The following CTNND2 variants were observed in gnomAD, a reference collection of about 807,000 sequenced individuals.
CTNND2 encodes the protein catenin delta 2.
CTNND2 carries 22 observed loss-of-function variants against 144.4 expected under a neutral mutation model. The ratio of observed to expected loss-of-function variants is 0.15; its 90% CI spans 0.11 to 0.22. The LOEUF (loss-of-function observed/expected upper bound fraction) is 0.22, where lower values mean the gene tolerates loss of function less well. CTNND2 is among the 10% of genes least tolerant of loss of function. The probability of loss-of-function intolerance (pLI) is 1.00; values close to 1 mark genes in which losing one functional copy is unlikely to be tolerated. For synonymous variants in CTNND2, 751 were observed against 695.6 expected (o/e 1.08, Z -1.25); for missense variants, 1,353 against 1,618.8 (o/e 0.84, Z 2.82).
chr5:11,085,814 C>A (rs562119222), intron 15 of CTNND2, among the ~76,000 whole-genome samples: 1 of 152,146 alleles, frequency 6.6e-6, no homozygotes, highest in South Asian at 2.1e-4. Flanking sequence ...TGGACAAGCC[C>A]CCCTCCATGG....
chr5:11,738,031 C>A (rs193014688), intron 1 of CTNND2, among the ~76,000 whole-genome samples: 1 of 152,332 alleles, frequency 6.6e-6, no homozygotes, highest in East Asian at 1.9e-4. Context: ...ATTTTCTCAA[C>A]TTTCTTTCCC....
chr5:11,173,385 G>C (rs76610476), intron 11 of CTNND2, among the ~76,000 whole-genome samples: 1 of 152,208 alleles, frequency 6.6e-6, no homozygotes, highest in African/African-American at 2.4e-5. Context: ...TCCCGCTGCT[G>C]ACCACCCTCT....
intron 6 of CTNND2, among the ~76,000 whole-genome samples, chr5:11,386,831 A>C (rs2149802633): frequency 6.6e-6 from 1 of 152,318 alleles, no homozygotes; most frequent in Admixed American, 6.5e-5. Flanking sequence ...GTTAGTCTCA[A>C]GGCTATGAGG....
At chr5:11,876,660 C>A (rs1336973558) in intron 1 of CTNND2, among the ~76,000 whole-genome samples, 1 of 152,088 alleles carries the variant, frequency 6.6e-6, no homozygotes, top group Non-Finnish European at 1.5e-5. Flanking sequence ...TTAAAACACA[C>A]CACATTATTA....
chr5:11,328,970 T>C (rs1752810620), intron 9 of CTNND2, among the ~76,000 whole-genome samples: 1 of 152,200 alleles, frequency 6.6e-6, no homozygotes, highest in Non-Finnish European at 1.5e-5. Context: ...AAGTCCAAGA[T>C]CCAAGTCCTG....
At chr5:11,127,458 C>T (rs1754789535) in intron 12 of CTNND2, among the ~76,000 whole-genome samples, 1 of 152,218 alleles carries the variant, frequency 6.6e-6, no homozygotes, top group African/African-American at 2.4e-5. Context: ...CTTCTTCCCC[C>T]ACCAGCCTGA....
At chr5:11,270,470 G>GT (rs1745883170) in intron 9 of CTNND2, among the ~76,000 whole-genome samples, 1 of 121,448 alleles carries the variant, frequency 8.2e-6, no homozygotes, top group Admixed American at 8.3e-5. Context: ...AAACAATGTG[G>GT]TAAAAAAAAA....
chr5:11,673,010 G>A (rs1306808996), intron 2 of CTNND2, among the ~76,000 whole-genome samples: 2 of 152,120 alleles, frequency 1.3e-5, no homozygotes, highest in Admixed American at 1.3e-4. Flanking sequence ...CTTTTGCATC[G>A]ATCTTGCTGG....
At chr5:11,802,375 C>T (rs1000420919) in intron 1 of CTNND2, among the ~76,000 whole-genome samples, 2 of 151,946 alleles carry the variant, frequency 1.3e-5, no homozygotes, top group African/African-American at 4.8e-5. Context: ...TGAAACCAGC[C>T]TGACCAACAG....
At chr5:11,774,879 CGTCAAA>C (rs1341227646) in intron 1 of CTNND2, among the ~76,000 whole-genome samples, 1 of 152,126 alleles carries the variant, frequency 6.6e-6, no homozygotes, top group Non-Finnish European at 1.5e-5. Flanking sequence ...TAACAACTAA[CGTCAAA>C]TACTGGCAAT....
At position 11,025,561 on chromosome 5, in the gene CTNND2, T is replaced by C. The variant is rs189779689; in HGVS notation, c.2789-2582A>G. The stretch of plus-strand genomic sequence containing the variant: ...TGATTCAGGAGGTGTACATTTAGGA[T>C]TTTTTCTTGTATGTCAAGGGGGCAA... On this transcript the variant is annotated intron_variant, in intron 16 of 21. Transcript: ENST00000304623. Among the ~76,000 whole-genome samples the C allele has an allele frequency of 7.6e-4, 116 of 152,332 alleles. 1 individual carries two copies. In the East Asian group the frequency reaches 0.02, roughly 26 times the overall value.
At chr5:11,337,178 G>A (rs1020262302) in intron 9 of CTNND2, among the ~76,000 whole-genome samples, 1 of 152,154 alleles carries the variant, frequency 6.6e-6, no homozygotes, top group Admixed American at 6.5e-5. Flanking sequence ...AAATAAATGG[G>A]AAGCACACGG....
intron 1 of CTNND2, among the ~76,000 whole-genome samples, chr5:11,749,760 T>C (rs941362090): frequency 8.6e-5 from 13 of 151,986 alleles, no homozygotes; most frequent in African/African-American, 2.9e-4. Flanking sequence ...ATGGTTTACA[T>C]AAAATAAGTA....
chr5:11,265,621 T>C (rs1242504226), intron 9 of CTNND2, among the ~76,000 whole-genome samples: 4 of 152,204 alleles, frequency 2.6e-5, no homozygotes, highest in Middle Eastern at 3.4e-3. Context: ...TGTTAAACTG[T>C]TCTGCTCAGA....
intron 5 of CTNND2, among the ~76,000 whole-genome samples, chr5:11,402,622 C>T (rs1039399253): frequency 4.6e-5 from 7 of 152,170 alleles, no homozygotes; most frequent in African/African-American, 1.7e-4. Flanking sequence ...TCGTTAGTAA[C>T]TTATAAAGCT....
chr5:11,350,668 T>C (rs539809472), intron 8 of CTNND2, among the ~76,000 whole-genome samples: 74 of 152,176 alleles, frequency 4.9e-4, no homozygotes, highest in Non-Finnish European at 8.8e-4. Context: ...GTAAAATAAG[T>C]TAGAGGCTAA....
At chr5:11,648,172 CTT>C (rs5865960) in intron 2 of CTNND2, among the ~76,000 whole-genome samples, 88 of 132,364 alleles carry the variant, frequency 6.6e-4, no homozygotes, top group Middle Eastern at 4.1e-3. Flanking sequence ...AGAACAGTGA[CTT>C]TTTTTTTTTT....
intron 15 of CTNND2, among the ~76,000 whole-genome samples, chr5:11,093,837 C>A (rs926602809): frequency 2.6e-5 from 4 of 152,076 alleles, no homozygotes; most frequent in Non-Finnish European, 4.4e-5. Context: ...TTTCTGAAAT[C>A]ATCTTTTTAA....
chr5:11,384,374 T>C lies in CTNND2; in HGVS notation c.1177+291A>G. 1 of 422,934 alleles carries C rather than the reference T, an allele frequency of 2.4e-6. No individual in the cohort carries two copies. The highest frequency in any genetic ancestry group is 4.2e-6 in the Non-Finnish European group (1 of 238,906). The allele number at this position is 422,934 out of a possible 1,614,324, so 26.2% of individuals were successfully genotyped here. A position where few individuals can be genotyped will look rare whatever the true frequency, so the allele number is the denominator to read the frequency against. ...TGCTTTCCTAAATGTGTCTTACTTT[T>C]ATGAGTTAGTCTTTAGGCTGGGGAG... is the stretch of plus-strand genomic sequence containing the variant. On this transcript the variant is annotated intron_variant, in intron 7 of 21. Coordinates refer to ENST00000304623, the MANE Select transcript of CTNND2 (RefSeq NM_001332.4). The surrounding 1 kb of genome is among the most constrained non-coding windows in gnomAD (Gnocchi z 5.2).
Sources: allele counts gnomAD v4.1 joint callset (sites outside exome capture counted in the v4.1 genomes callset), GRCh38; gene constraint gnomAD v4.1.1; non-coding constraint Gnocchi (gnomAD v3.1); transcripts MANE v1.5; gene names NCBI Gene and HGNC (gene_info 2026-07-23, HGNC 2026-07-21).